Variants in FOXP1 observed in about 807,000 individuals in gnomAD.
FOXP1 encodes forkhead box P1.
In FOXP1, 15 loss-of-function variants were observed where a neutral mutation model predicts 98.2. The observed-to-expected ratio is 0.15, with a 90% CI of 0.10 to 0.24. FOXP1 has a LOEUF of 0.24. FOXP1 is among the 10% of genes least tolerant of loss of function. FOXP1 has a pLI of 1.00. For synonymous variants in FOXP1, 371 were observed against 314.5 expected, an observed-to-expected ratio of 1.18 and a Z score of -1.90; for missense variants, 633 against 848.5, an observed-to-expected ratio of 0.75 and a Z score of 3.15.
intron 7 of FOXP1, among the ~76,000 whole-genome samples, chr3:71,112,240 G>C (rs1559953043): frequency 6.6e-6 from 1 of 152,110 alleles, no homozygotes; most frequent in Admixed American, 6.5e-5. Flanking sequence ...TGACAATTCT[G>C]AGTACTATGA....
intron 5 of FOXP1, among the ~76,000 whole-genome samples, chr3:71,284,246 G>C (rs573221352): frequency 6.6e-6 from 1 of 152,144 alleles, no homozygotes; most frequent in Non-Finnish European, 1.5e-5. Flanking sequence ...CCCCCCTCTA[G>C]AATACATCTA....
intron 3 of FOXP1, among the ~76,000 whole-genome samples, chr3:71,390,059 A>G (rs1560414468): frequency 1.3e-5 from 2 of 152,184 alleles, no homozygotes; most frequent in Admixed American, 6.5e-5. Flanking sequence ...AACTGTGTGC[A>G]TGGCGAAGGC....
Position 71,069,541 on chromosome 3 carries a change from C to A in FOXP1, c.283-15768G>T, listed in dbSNP as rs144932057. On this transcript the variant is annotated intron_variant, in intron 7 of 20. Coordinates refer to ENST00000649528, the MANE Select transcript of FOXP1 (RefSeq NM_001349338.3). ...TCTGCCATGGGGTTAGAACAGATTA[C>A]ACTGAAGTGTGCAAAGTTCTTGAAA... Among the ~76,000 whole-genome samples, 370 of 152,244 alleles carry A rather than the reference C, an allele frequency of 2.4e-3. 3 individuals are homozygous for A. Among genetic ancestry groups the A allele is most frequent in the African/African-American group, 8.8e-3 (365 of 41,540 alleles).
intron 7 of FOXP1, among the ~76,000 whole-genome samples, chr3:71,059,482 T>C (rs1373953054): frequency 6.6e-6 from 1 of 152,128 alleles, no homozygotes; most frequent in Non-Finnish European, 1.5e-5. Flanking sequence ...AAATGTAAAG[T>C]TTACATAAAT....
chr3:71,012,805 C>G (rs777933797), intron 12 of FOXP1, among the ~76,000 whole-genome samples: 2 of 152,060 alleles, frequency 1.3e-5, no homozygotes, highest in African/African-American at 4.8e-5. Context: ...GAGAGAAAAG[C>G]TAGAAGGAGA....
At chr3:71,461,803 GAA>G (rs1032220939) in intron 3 of FOXP1, among the ~76,000 whole-genome samples, 1 of 137,560 alleles carries the variant, frequency 7.3e-6, no homozygotes, top group Non-Finnish European at 1.6e-5. Context: ...CTGTATCGAA[GAA>G]AAAAAAAAAA....
intron 6 of FOXP1, among the ~76,000 whole-genome samples, chr3:71,122,175 A>G (rs933933411): frequency 3.9e-5 from 6 of 152,022 alleles, no homozygotes; most frequent in Admixed American, 1.3e-4. Context: ...TTTTTTTCTT[A>G]TACTGTAAGT....
chr3:71,427,807 A>C (rs2084301192), intron 3 of FOXP1, among the ~76,000 whole-genome samples: 4 of 152,202 alleles, frequency 2.6e-5, no homozygotes, highest in African/African-American at 9.7e-5. Flanking sequence ...ATGAGGATGA[A>C]ATCAGCAAAT....
intron 11 of FOXP1, among the ~76,000 whole-genome samples, chr3:71,035,094 T>C (rs900766013): frequency 6.6e-6 from 1 of 152,188 alleles, no homozygotes; most frequent in Admixed American, 6.6e-5. Context: ...GAGGCTCTTG[T>C]TACAATGCAG....
chr3:71,484,804 G>T (rs964626038), intron 3 of FOXP1, among the ~76,000 whole-genome samples: 1 of 152,138 alleles, frequency 6.6e-6, no homozygotes, highest in Non-Finnish European at 1.5e-5. Context: ...GCAGTGCTGA[G>T]ATGACACTTT....
chr3:70,976,701 A>C (rs1179483550), intron 17 of FOXP1, among the ~76,000 whole-genome samples: 1 of 152,212 alleles, frequency 6.6e-6, no homozygotes, highest in Non-Finnish European at 1.5e-5. Flanking sequence ...AACCAGAGAG[A>C]GATCACTTTA....
At chr3:71,138,120 G>A (rs1198786054) in intron 6 of FOXP1, among the ~76,000 whole-genome samples, 3 of 152,156 alleles carry the variant, frequency 2.0e-5, no homozygotes, top group African/African-American at 7.2e-5. Context: ...CAACTAATGA[G>A]CTCTAGTCCT....
chr3:71,397,462 A>G (rs868249364), intron 3 of FOXP1, among the ~76,000 whole-genome samples: 7 of 152,356 alleles, frequency 4.6e-5, no homozygotes, highest in Middle Eastern at 3.4e-3. Context: ...GGATTGTTCA[A>G]CAAATACTTT....
At chr3:71,246,738 T>C (rs949477654) in intron 5 of FOXP1, among the ~76,000 whole-genome samples, 9 of 152,160 alleles carry the variant, frequency 5.9e-5, no homozygotes, top group Non-Finnish European at 1.2e-4. Flanking sequence ...GTTCAAAAGT[T>C]CAAAGATATG....
intron 11 of FOXP1, among the ~76,000 whole-genome samples, chr3:71,017,484 T>C (rs553423346): frequency 1.6e-4 from 24 of 151,312 alleles, no homozygotes; most frequent in African/African-American, 5.8e-4. Flanking sequence ...ATATTGTTAT[T>C]GTAGAAAACT....
intron 3 of FOXP1, among the ~76,000 whole-genome samples, chr3:71,490,878 G>A (rs1362061676): frequency 1.3e-5 from 2 of 152,178 alleles, no homozygotes; most frequent in Non-Finnish European, 2.9e-5. Flanking sequence ...AGAGATGACA[G>A]GTAACCAAAA....
Position 71,583,587 on chromosome 3 carries a change from C to G in FOXP1, c.-463G>C. The G allele has an allele frequency of 1.0e-6, 1 of 983,994 alleles. No individual in the cohort carries two copies. Among genetic ancestry groups the G allele is most frequent in the Non-Finnish European group, 1.2e-6 (1 of 829,624 alleles). The allele number at this position is 983,994 out of a possible 1,614,324, so 61.0% of individuals were successfully genotyped here. A position where few individuals can be genotyped will look rare whatever the true frequency, so the allele number is the denominator to read the frequency against. ...CAAACTCACCCGCTGCAAATGGTCT[C>G]TCGGTGCAAACTAAGGTGTTTTCGG... On this transcript the variant is annotated 5_prime_UTR_variant, in exon 1 of 21. Transcript: ENST00000649528.
intron 3 of FOXP1, among the ~76,000 whole-genome samples, chr3:71,414,617 C>T (rs2083061594): frequency 6.6e-6 from 1 of 152,220 alleles, no homozygotes; most frequent in South Asian, 2.1e-4. Flanking sequence ...TCTAACATGG[C>T]TCTTGGAGTC....
intron 13 of FOXP1, among the ~76,000 whole-genome samples, chr3:70,992,905 G>A (rs948389018): frequency 6.6e-6 from 1 of 152,194 alleles, no homozygotes; most frequent in Admixed American, 6.5e-5. Context: ...CTACCGTGCT[G>A]TTAGGACCTC....
Sources: gnomAD v4.1 joint callset for allele counts (sites outside exome capture counted in the v4.1 genomes callset) on GRCh38, gnomAD v4.1.1 for gene constraint, MANE v1.5 for transcripts, NCBI Gene and HGNC (gene_info 2026-07-23, HGNC 2026-07-21) for gene names.